The following SRSF12 variants were observed in gnomAD, a reference collection of about 807,000 sequenced individuals.
The protein encoded by SRSF12 is serine/arginine-rich splicing factor 12.
A neutral mutation model predicts 34.1 loss-of-function variants in SRSF12; 21 were observed. That is an observed-to-expected ratio of 0.62 (90% CI 0.44 to 0.89). The LOEUF is 0.89. Ranked by LOEUF, SRSF12 falls within the 40% of genes least tolerant of loss-of-function variation. The pLI is 0.00. For synonymous variants in SRSF12, 111 were observed against 110.8 expected, an observed-to-expected ratio of 1.00 and a Z score of -0.01; for missense variants, 278 against 327.8, an observed-to-expected ratio of 0.85 and a Z score of 1.17.
In SRSF12 at chr6:89,098,399, G is replaced by A. The variant is rs1768353601; in HGVS notation, c.*179C>T. 4.5e-6 allele frequency: 3 copies of A among 661,292 alleles called. No homozygotes were observed. The highest frequency in any genetic ancestry group is 7.0e-6 in the Non-Finnish European group (3 of 430,506). The allele number at this position is 661,292 out of a possible 1,614,324, so 41.0% of individuals were successfully genotyped here. A position where few individuals can be genotyped will look rare whatever the true frequency, so the allele number is the denominator to read the frequency against. ...AGACAAATCATAATTTGTAGTGTGG[G>A]CCCTTTAAATGGAGACCAAATTTTT... On this transcript the variant is annotated 3_prime_UTR_variant, in exon 5 of 5. Transcript: ENST00000452027.
intron 4 of SRSF12, among the ~76,000 whole-genome samples, chr6:89,103,958 C>A (rs1193661840): frequency 6.8e-6 from 1 of 148,090 alleles, no homozygotes; most frequent in Admixed American, 6.8e-5. Context: ...TAACTTTAGT[C>A]AACCACCTTT....
Position 89,117,955 on chromosome 6 carries a change from T to C in SRSF12, c.-68A>G. 6.7e-7 allele frequency: 1 copy of C among 1,483,168 alleles called. No homozygotes were observed. Among genetic ancestry groups the C allele is most frequent in the Non-Finnish European group, 9.0e-7 (1 of 1,105,496 alleles). 91.9% of individuals were successfully genotyped at this position (1,483,168 alleles called of 1,614,324 possible). ...GACTCGCTCCGTCTCCCGCTACCGC[T>C]GCTACCACCACAGGAGCTCCGCCGG... On this transcript the variant is annotated 5_prime_UTR_variant, in exon 1 of 5. Transcript: ENST00000452027.
At chr6:89,115,225 T>A (rs1769237170) in intron 1 of SRSF12, among the ~76,000 whole-genome samples, 1 of 152,154 alleles carries the variant, frequency 6.6e-6, no homozygotes, top group East Asian at 1.9e-4. Context: ...CCACCTCAGC[T>A]TTCCCAGTAA....
chr6:89,116,954 C>G (rs1039650027), intron 1 of SRSF12, among the ~76,000 whole-genome samples: 1 of 151,896 alleles, frequency 6.6e-6, no homozygotes, highest in Non-Finnish European at 1.5e-5. Flanking sequence ...TACAATAAAA[C>G]AGTACTGCAT....
At chr6:89,116,701 G>A (rs1469107657) in intron 1 of SRSF12, among the ~76,000 whole-genome samples, 2 of 151,992 alleles carry the variant, frequency 1.3e-5, no homozygotes, top group African/African-American at 2.4e-5. Context: ...CTTGAACCCG[G>A]GAGGCAGAGG....
intron 4 of SRSF12, among the ~76,000 whole-genome samples, chr6:89,101,595 G>A (rs1019473408): frequency 6.6e-6 from 1 of 152,046 alleles, no homozygotes; most frequent in African/African-American, 2.4e-5. Flanking sequence ...GGTGGCGGGA[G>A]GCTGAGGCAG....
intron 1 of SRSF12, 23 bp downstream of exon 1, chr6:89,117,800 A>T: frequency 1.3e-6 from 2 of 1,543,310 alleles, no homozygotes; most frequent in Non-Finnish European, 1.7e-6. Context: ...CCGCGCCCCC[A>T]ACCTGCAGCC....
chr6:89,106,946 T>C (rs1315034634), intron 2 of SRSF12: 4 of 607,788 alleles, frequency 6.6e-6, no homozygotes, highest in Non-Finnish European at 1.2e-5. Context: ...TCTCGCCTGC[T>C]GGGTTTATGC....
chr6:89,114,834 T>C (rs1769217024), intron 1 of SRSF12, among the ~76,000 whole-genome samples: 1 of 152,324 alleles, frequency 6.6e-6, no homozygotes, highest in East Asian at 1.9e-4. Flanking sequence ...TCTCGCCCTG[T>C]CGCCCAGGCT....
chr6:89,096,738 T>A lies in SRSF12; in HGVS notation c.*1840A>T, dbSNP rs1386164263. The A allele has an allele frequency of 2.0e-5, 3 of 152,292 alleles. No homozygotes were observed. The highest frequency in any genetic ancestry group is 4.4e-5 in the Non-Finnish European group (3 of 68,116). 9.4% of individuals were successfully genotyped at this position (152,292 alleles called of 1,614,324 possible). A position where few individuals can be genotyped will look rare whatever the true frequency, so the allele number is the denominator to read the frequency against. On this transcript the variant is annotated 3_prime_UTR_variant, in exon 5 of 5. Coordinates refer to ENST00000452027, the MANE Select transcript of SRSF12 (RefSeq NM_080743.5). Reference sequence around the variant, plus strand: ...GTCTCAAACTCCTGGGCTCAAGCAATCCTCCTGCCTTGGCCTCCCAAAGTG... The same window carrying A: ...GTCTCAAACTCCTGGGCTCAAGCAAACCTCCTGCCTTGGCCTCCCAAAGTG...
chr6:89,106,148 T>G (rs565414995), intron 2 of SRSF12, among the ~76,000 whole-genome samples: 1 of 152,144 alleles, frequency 6.6e-6, no homozygotes, highest in Non-Finnish European at 1.5e-5. Context: ...GAGATGGAGT[T>G]TCCCTCTTGT....
In SRSF12 at chr6:89,117,949, T is replaced by C. The variant is rs1769394448; in HGVS notation, c.-62A>G. 3.4e-6 allele frequency: 5 copies of C among 1,488,166 alleles called. No individual in the cohort carries two copies. In the Admixed American group the frequency reaches 6.5e-5, roughly 19 times the overall value. 92.2% of individuals were successfully genotyped at this position (1,488,166 alleles called of 1,614,324 possible). On this transcript the variant is annotated 5_prime_UTR_variant, in exon 1 of 5. Transcript: ENST00000452027. ...CCGCTGGACTCGCTCCGTCTCCCGCTACCGCTGCTACCACCACAGGAGCTC... is the reference window on the plus strand; with the variant it reads ...CCGCTGGACTCGCTCCGTCTCCCGCCACCGCTGCTACCACCACAGGAGCTC...
At chr6:89,104,768 C>T (rs1005543361) in intron 4 of SRSF12, among the ~76,000 whole-genome samples, 2 of 151,940 alleles carry the variant, frequency 1.3e-5, no homozygotes, top group African/African-American at 4.8e-5. Context: ...AAAATATTTT[C>T]CAGGCTGGGT....
At chr6:89,104,223 CTTTT>C (rs138798211) in intron 4 of SRSF12, among the ~76,000 whole-genome samples, 72,492 of 123,448 alleles carry the variant, frequency 0.59, 17,983 homozygotes, top group East Asian at 0.72. Flanking sequence ...AACTCATCAC[CTTTT>C]TTTTTTTTTT....
chr6:89,108,141 C>T (rs1768880097), intron 1 of SRSF12, among the ~76,000 whole-genome samples: 1 of 152,102 alleles, frequency 6.6e-6, no homozygotes, highest in African/African-American at 2.4e-5. Flanking sequence ...TGCTTATGTG[C>T]CTTCTAGTGC....
chr6:89,107,007 C>G, intron 2 of SRSF12, 147 bp downstream of exon 2: 1 of 850,172 alleles, frequency 1.2e-6, no homozygotes, highest in East Asian at 2.9e-5. Context: ...TTGCCAGCTA[C>G]TGTGGACTGC....
chr6:89,107,128 C>T (rs752456935), intron 2 of SRSF12, 26 bp downstream of exon 2: 2 of 1,584,166 alleles, frequency 1.3e-6, no homozygotes, highest in Non-Finnish European at 1.7e-6. Flanking sequence ...AGTATATTCA[C>T]ATGCACACAA....
At chr6:89,112,455 T>G (rs1341266599) in intron 1 of SRSF12, among the ~76,000 whole-genome samples, 1 of 150,886 alleles carries the variant, frequency 6.6e-6, no homozygotes, top group Non-Finnish European at 1.5e-5. Flanking sequence ...TTCTTTTTTT[T>G]TTTTTTTTGG....
intron 4 of SRSF12, among the ~76,000 whole-genome samples, chr6:89,104,807 C>T (rs1768709398): frequency 6.6e-6 from 1 of 152,074 alleles, no homozygotes; most frequent in Non-Finnish European, 1.5e-5. Context: ...AATCCTAGCA[C>T]TTTGGGAGCC....
Sources: allele counts gnomAD v4.1 joint callset (sites outside exome capture counted in the v4.1 genomes callset), GRCh38; gene constraint gnomAD v4.1.1; transcripts MANE v1.5; gene names NCBI Gene and HGNC (gene_info 2026-07-23, HGNC 2026-07-21).